The following ASAP3 variants were observed in gnomAD, a reference collection of about 807,000 sequenced individuals.
ASAP3 encodes the protein ArfGAP with SH3 domain, ankyrin repeat and PH domain 3, also known as arf-GAP with SH3 domain, ANK repeat and PH domain-containing protein 3.
In ASAP3, 85 loss-of-function variants were observed where a neutral mutation model predicts 118.2. The ratio of observed to expected loss-of-function variants is 0.72; its 90% CI spans 0.60 to 0.86. The LOEUF (loss-of-function observed/expected upper bound fraction) is 0.86, where lower values mean the gene tolerates loss of function less well. ASAP3 is among the 40% of genes least tolerant of loss of function. The probability of loss-of-function intolerance (pLI) is 0.00; values close to 1 mark genes in which losing one functional copy is unlikely to be tolerated. For synonymous variants in ASAP3, 432 were observed against 477.4 expected (o/e 0.90, Z 1.24); for missense variants, 1,026 against 1,175.0 (o/e 0.87, Z 1.85).
intron 5 of ASAP3, among the ~76,000 whole-genome samples, chr1:23,443,365 T>G (rs1396996843): frequency 6.6e-6 from 1 of 152,150 alleles, no homozygotes; most frequent in Non-Finnish European, 1.5e-5. Flanking sequence ...CTCCCACCTT[T>G]TGAAGTCTCC....
intron 5 of ASAP3, among the ~76,000 whole-genome samples, chr1:23,444,278 G>A (rs1347082300): frequency 6.6e-6 from 1 of 152,208 alleles, no homozygotes; most frequent in African/African-American, 2.4e-5. Flanking sequence ...TTGGGGATGG[G>A]TGGATCTGTG....
chr1:23,441,254 G>A (rs375743250), intron 9 of ASAP3, 43 bp from the exon 10 acceptor site: 2 of 1,609,994 alleles, frequency 1.2e-6, no homozygotes, highest in Middle Eastern at 1.7e-4. Flanking sequence ...GCATCTCAGT[G>A]GGAAGAGCCC....
intron 4 of ASAP3, 139 bp from the exon 5 acceptor site, chr1:23,451,667 CCA>C (rs1641219675): frequency 7.7e-6 from 7 of 912,326 alleles, no homozygotes; most frequent in Non-Finnish European, 1.2e-5. Flanking sequence ...GCCCCTGCCC[CCA>C]CAGTCCTGCT....
intron 10 of ASAP3, among the ~76,000 whole-genome samples, chr1:23,439,633 T>C (rs1343698279): frequency 1.3e-5 from 2 of 152,160 alleles, no homozygotes; most frequent in Non-Finnish European, 2.9e-5. Context: ...AAGATCAATA[T>C]TAATATCCCC....
In ASAP3 at chr1:23,438,172, C is replaced by T. The variant is rs955500455; in HGVS notation, c.1102+575G>A. Among the ~76,000 whole-genome samples, 2 of 152,180 alleles carry T rather than the reference C, an allele frequency of 1.3e-5. No homozygotes were observed. The highest frequency in any genetic ancestry group is 2.9e-5 in the Non-Finnish European group (2 of 68,038). ...CAAGGCTAAACTCAAATACTGTCTCCTCCAGGAGCCTTTCCTGATTCCCCA... is the reference window on the plus strand; with the variant it reads ...CAAGGCTAAACTCAAATACTGTCTCTTCCAGGAGCCTTTCCTGATTCCCCA... On this transcript the variant is annotated intron_variant, in intron 12 of 24. Transcript: ENST00000336689. The surrounding 1 kb of genome is among the most constrained non-coding windows in gnomAD (Gnocchi z 4.9).
At chr1:23,483,313 G>C (rs1436116980) in intron 1 of ASAP3, among the ~76,000 whole-genome samples, 1 of 152,226 alleles carries the variant, frequency 6.6e-6, no homozygotes, top group Non-Finnish European at 1.5e-5. Flanking sequence ...CTTTGCAGAG[G>C]AGCTGCGGAA....
chr1:23,439,679 G>A (rs1037491143), intron 10 of ASAP3, among the ~76,000 whole-genome samples: 7 of 152,126 alleles, frequency 4.6e-5, no homozygotes, highest in African/African-American at 1.2e-4. Context: ...CCAAAACTCC[G>A]TAACACTTCT....
rs551918276 is a variant in ASAP3, at chr1:23,465,064, G to A, written c.130-8870C>T. 2.8e-4 allele frequency among the ~76,000 whole-genome samples: 43 copies of A among 152,266 alleles called. No homozygotes were observed. The South Asian group carries it at 5.4e-3, about 19-fold the overall frequency. Reference sequence around the variant, plus strand: ...CATAAAATGAAGATGATAATATTGCGTACCACATAAGGTTACTGGGGAGAT... The same window carrying A: ...CATAAAATGAAGATGATAATATTGCATACCACATAAGGTTACTGGGGAGAT... On this transcript the variant is annotated intron_variant, in intron 1 of 24. Coordinates refer to ENST00000336689, the MANE Select transcript of ASAP3 (RefSeq NM_017707.4).
intron 3 of ASAP3, among the ~76,000 whole-genome samples, chr1:23,455,083 TGTA>T (rs1444910835): frequency 6.6e-6 from 1 of 152,114 alleles, no homozygotes; most frequent in African/African-American, 2.4e-5. Flanking sequence ...TGGGAGGCAG[TGTA>T]GCCAGGCTTA....
At chr1:23,445,141 G>T (rs544384846) in intron 5 of ASAP3, among the ~76,000 whole-genome samples, 1 of 152,208 alleles carries the variant, frequency 6.6e-6, no homozygotes, top group Admixed American at 6.5e-5. Flanking sequence ...AGCAGAGAGG[G>T]GAGGTGATGG....
intron 1 of ASAP3, among the ~76,000 whole-genome samples, chr1:23,467,590 C>A (rs1311966909): frequency 1.3e-5 from 2 of 152,164 alleles, no homozygotes; most frequent in Non-Finnish European, 2.9e-5. Flanking sequence ...ATTTTACAGA[C>A]TGCAAAATAA....
intron 17 of ASAP3, among the ~76,000 whole-genome samples, chr1:23,434,991 T>C (rs896944896): frequency 3.3e-5 from 5 of 152,168 alleles, no homozygotes; most frequent in Non-Finnish European, 7.3e-5. Context: ...GCCCATTGGA[T>C]AGCCCACCAA....
At chr1:23,467,627 G>A (rs1641816555) in intron 1 of ASAP3, among the ~76,000 whole-genome samples, 1 of 152,038 alleles carries the variant, frequency 6.6e-6, no homozygotes, top group Admixed American at 6.6e-5. Flanking sequence ...CTTGCCCCAG[G>A]TTTCACTGGA....
Position 23,484,037 on chromosome 1 carries a change from G to A in ASAP3, c.97C>T (p.Arg33Trp), listed in dbSNP as rs1642405303. Residue 33 changes from arginine (R) to tryptophan (W), a missense_variant, in exon 1 of 25, where the codon CGG (arginine) becomes TGG (tryptophan). Transcript: ENST00000336689. ...CGCGCCAGCGCCGCCCCTCGGTACC[G>A]GGGCATCTTGGCGGCGAAGGCGGCG... ...GAAAFAAKMP[R>W]YRGAALAREE... The A allele has an allele frequency of 1.5e-6, 2 of 1,330,416 alleles. No homozygotes were observed. The highest frequency in any genetic ancestry group is 2.0e-5 in the South Asian group (1 of 49,912). 82.4% of individuals were successfully genotyped at this position (1,330,416 alleles called of 1,614,324 possible).
rs772329356 is a variant in ASAP3 at position 23,435,953 on chromosome 1, CT to C, written c.1646del (p.Gln549ArgfsTer94). 2 of 1,614,276 alleles carry C rather than the reference CT, an allele frequency of 1.2e-6. No homozygotes were observed. The highest frequency in any genetic ancestry group is 3.3e-5 in the Admixed American group (2 of 60,032). The part of the protein sequence containing the change: ...RFARRCTPEP[Q>X]RLWTAICNRD... ...TGTTGCAAATGGCTGTCCAGAGTCGCTGAGGCTCAGGTGTGCACCGGCGTGC... is the reference window on the plus strand; with the variant it reads ...TGTTGCAAATGGCTGTCCAGAGTCGCGAGGCTCAGGTGTGCACCGGCGTGC... On this transcript the variant is annotated frameshift_variant, in exon 17 of 25. Transcript: ENST00000336689. LOFTEE classifies it high-confidence loss of function.
In ASAP3 at chr1:23,464,166, C is replaced by G. The variant is rs1413509001; in HGVS notation, c.130-7972G>C. 2.0e-5 allele frequency among the ~76,000 whole-genome samples: 3 copies of G among 150,904 alleles called. 1 individual carries two copies. The highest frequency in any genetic ancestry group is 4.4e-5 in the Non-Finnish European group (3 of 67,810). ...CCTCGGCAACAAAGTGAGACCCCCACCCCGATCTATACCAAAAAAAAAAAA... is the reference window on the plus strand; with the variant it reads ...CCTCGGCAACAAAGTGAGACCCCCAGCCCGATCTATACCAAAAAAAAAAAA... On this transcript the variant is annotated intron_variant, in intron 1 of 24. Coordinates refer to ENST00000336689, the MANE Select transcript of ASAP3 (RefSeq NM_017707.4).
intron 1 of ASAP3, among the ~76,000 whole-genome samples, chr1:23,464,387 A>G (rs191013896): frequency 5.3e-5 from 8 of 151,786 alleles, no homozygotes; most frequent in Admixed American, 5.3e-4. Flanking sequence ...GGGTTTCGCC[A>G]TGTTGGCCAA....
chr1:23,459,979 C>T (rs1350473329), intron 1 of ASAP3, among the ~76,000 whole-genome samples: 1 of 152,192 alleles, frequency 6.6e-6, no homozygotes, highest in East Asian at 1.9e-4. Context: ...GGTCATGGGA[C>T]TAAGTCCTGG....
intron 3 of ASAP3, 52 bp from the exon 4 acceptor site, chr1:23,452,823 C>G: frequency 6.4e-7 from 1 of 1,559,522 alleles, no homozygotes; most frequent in Non-Finnish European, 8.8e-7. Flanking sequence ...GCATCCAGCC[C>G]CTAGGGATTC....
Sources: gnomAD v4.1 joint callset for allele counts (sites outside exome capture counted in the v4.1 genomes callset) on GRCh38, gnomAD v4.1.1 for gene constraint, Gnocchi (gnomAD v3.1) non-coding constraint, MANE v1.5 for transcripts, NCBI Gene and HGNC (gene_info 2026-07-23, HGNC 2026-07-21) for gene names.